Variants in TSPAN7 observed in about 807,000 individuals in gnomAD.
TSPAN7 encodes the protein tetraspanin-7.
Under a neutral mutation model 17.6 loss-of-function variants are expected in TSPAN7, and 1 was observed. The observed-to-expected ratio is 0.06, with a 90% CI of 0.02 to 0.27. TSPAN7 has a LOEUF of 0.27. Among genes scored for constraint, TSPAN7 ranks in the 10% least tolerant of loss-of-function variants. The pLI is 1.00. For missense variants in TSPAN7, 112 were observed against 201.7 expected (o/e 0.56, Z 2.69); for synonymous variants, 78 against 79.0 (o/e 0.99, Z 0.07).
At chrX:38,654,717 A>T (rs1282169717) in intron 1 of TSPAN7, among the ~76,000 whole-genome samples, 1 of 65,998 alleles carries the variant, frequency 1.5e-5, no homozygotes, top group Non-Finnish European at 2.4e-5. Flanking sequence ...CTGGGGATAC[A>T]CCCATGAATA....
intron 1 of TSPAN7, among the ~76,000 whole-genome samples, chrX:38,607,493 T>G (rs1746236242): frequency 9.0e-6 from 1 of 111,145 alleles, no homozygotes; most frequent in Non-Finnish European, 1.9e-5. Context: ...CCTGGAGAGC[T>G]AGTAAACATG....
chrX:38,648,190 G>A (rs1350967073), intron 1 of TSPAN7, among the ~76,000 whole-genome samples: 1 of 112,068 alleles, frequency 8.9e-6, no homozygotes, highest in East Asian at 2.8e-4. Context: ...GCTTACAAAT[G>A]TTAGAGGATA....
chrX:38,687,777 C>G (rs2069934703), intron 7 of TSPAN7, 103 bp downstream of exon 7: 3 of 583,841 alleles, frequency 5.1e-6, no homozygotes, highest in Non-Finnish European at 5.4e-6. Flanking sequence ...GCTACCTGAT[C>G]TTGGTGGCAC....
Position 38,643,333 on chromosome X carries a change from G to C in TSPAN7, c.82-22788G>C, listed in dbSNP as rs191487807. 1.1e-4 allele frequency among the ~76,000 whole-genome samples: 12 copies of C among 110,097 alleles called. No individual in the cohort carries two copies. The South Asian group carries it at 4.0e-3, about 36-fold the overall frequency. On this transcript the variant is annotated intron_variant, in intron 1 of 7. Transcript: ENST00000378482. ...AAATAAAGCAAAAAAAGCCACAAGG[G>C]GGGGAATGTGTCTGCAATGTGGTTG... is the stretch of plus-strand genomic sequence containing the variant.
intron 6 of TSPAN7, among the ~76,000 whole-genome samples, chrX:38,685,489 G>A (rs1026206952): frequency 2.7e-5 from 3 of 110,995 alleles, no homozygotes; most frequent in East Asian, 2.8e-4. Flanking sequence ...ATGTGGTGGC[G>A]CACAAATGTA....
intron 1 of TSPAN7, among the ~76,000 whole-genome samples, chrX:38,660,119 C>A (rs751900007): frequency 9.0e-6 from 1 of 111,044 alleles, no homozygotes; most frequent in East Asian, 2.8e-4. Flanking sequence ...AGGCATGAGT[C>A]ACCACGTCTG....
At chrX:38,632,839 A>G (rs192728165) in intron 1 of TSPAN7, among the ~76,000 whole-genome samples, 167 of 112,309 alleles carry the variant, frequency 1.5e-3, no homozygotes, top group African/African-American at 5.0e-3. Context: ...GATAGAGAGG[A>G]AGAAAGATAA....
chrX:38,595,736 T>C (rs2069316104), intron 1 of TSPAN7, among the ~76,000 whole-genome samples: 1 of 112,058 alleles, frequency 8.9e-6, no homozygotes, highest in Admixed American at 9.4e-5. Flanking sequence ...TTTGAATTGT[T>C]AAATTTAAAT....
chrX:38,571,729 C>A, intron 1 of TSPAN7, among the ~76,000 whole-genome samples: 1 of 107,533 alleles, frequency 9.3e-6, no homozygotes, highest in East Asian at 2.9e-4. Context: ...GAAGAGAAAC[C>A]TGGGTGTGTG....
intron 4 of TSPAN7, among the ~76,000 whole-genome samples, chrX:38,674,793 T>C (rs1482337688): frequency 2.7e-5 from 3 of 110,547 alleles, no homozygotes; most frequent in African/African-American, 9.9e-5. Context: ...AGCTGCCTGA[T>C]GCTTTGCGGA....
At chrX:38,674,195 A>G (rs1602123241) in intron 3 of TSPAN7, 26 bp from the exon 4 acceptor site, 3 of 1,139,067 alleles carry the variant, frequency 2.6e-6, no homozygotes, top group African/African-American at 1.8e-5. Context: ...GTGGACTGCA[A>G]TCACATCCCT....
chrX:38,624,695 A>G (rs991192425), intron 1 of TSPAN7, among the ~76,000 whole-genome samples: 3 of 112,795 alleles, frequency 2.7e-5, no homozygotes, highest in Non-Finnish European at 5.6e-5. Context: ...ATCTTTCTGT[A>G]TCTTGCTCCC....
At chrX:38,645,074 G>A (rs2069637056) in intron 1 of TSPAN7, among the ~76,000 whole-genome samples, 1 of 112,172 alleles carries the variant, frequency 8.9e-6, no homozygotes, top group Non-Finnish European at 1.9e-5. Flanking sequence ...TTTAGAAAAT[G>A]TCATGACATC....
At chrX:38,680,795 CG>C (rs1305633919) in intron 5 of TSPAN7, among the ~76,000 whole-genome samples, 1 of 111,327 alleles carries the variant, frequency 9.0e-6, no homozygotes, top group Admixed American at 9.6e-5. Context: ...TTCAAGGATG[CG>C]GAATGTCTTT....
intron 1 of TSPAN7, among the ~76,000 whole-genome samples, chrX:38,653,359 A>G (rs980892): frequency 0.12 from 13,505 of 110,983 alleles, 765 homozygotes; most frequent in East Asian, 0.24. Flanking sequence ...GACTCAGCCC[A>G]TCACTTTTGG....
intron 1 of TSPAN7, among the ~76,000 whole-genome samples, chrX:38,631,515 G>T (rs1480673749): frequency 9.0e-6 from 1 of 111,248 alleles, no homozygotes; most frequent in Non-Finnish European, 1.9e-5. Flanking sequence ...TGCAAATTAG[G>T]AATGCAAACT....
At chrX:38,664,488 G>A (rs368747939) in intron 1 of TSPAN7, among the ~76,000 whole-genome samples, 6 of 111,615 alleles carry the variant, frequency 5.4e-5, no homozygotes, top group African/African-American at 1.3e-4. Flanking sequence ...AACAACCACC[G>A]GGTGTCAGCA....
chrX:38,620,616 C>G (rs924600444), intron 1 of TSPAN7, among the ~76,000 whole-genome samples: 11 of 111,467 alleles, frequency 9.9e-5, no homozygotes, highest in Non-Finnish European at 1.7e-4. Flanking sequence ...CTGATCTGGC[C>G]CCTAGAGACC....
At chrX:38,598,223 ACT>A (rs1189432853) in intron 1 of TSPAN7, among the ~76,000 whole-genome samples, 1 of 110,489 alleles carries the variant, frequency 9.1e-6, no homozygotes, top group East Asian at 2.9e-4. Context: ...CCCATAGCCC[ACT>A]CTCTAGTGCC....
Sources: gnomAD v4.1 joint callset for allele counts (sites outside exome capture counted in the v4.1 genomes callset) on GRCh38, gnomAD v4.1.1 for gene constraint, MANE v1.5 for transcripts, NCBI Gene and HGNC (gene_info 2026-07-23, HGNC 2026-07-21) for gene names.